The following FUT8 variants were observed in gnomAD, a reference collection of about 807,000 sequenced individuals.
FUT8 encodes the protein fucosyltransferase 8.
Under a neutral mutation model 71.3 loss-of-function variants are expected in FUT8, and 29 were observed. That is an observed-to-expected ratio of 0.41 (90% CI 0.30 to 0.55). The LOEUF (loss-of-function observed/expected upper bound fraction) is 0.55, where lower values mean the gene tolerates loss of function less well. FUT8 is among the 20% of genes least tolerant of loss of function. FUT8 has a pLI of 0.34. For synonymous variants in FUT8, 254 were observed against 239.3 expected (o/e 1.06, Z -0.57); for missense variants, 544 against 702.1 (o/e 0.77, Z 2.55).
At chr14:65,457,285 T>A (rs940070934) in intron 2 of FUT8, among the ~76,000 whole-genome samples, 2 of 152,224 alleles carry the variant, frequency 1.3e-5, no homozygotes, top group East Asian at 1.9e-4. Flanking sequence ...ATTTCTTTTT[T>A]AAAATGTTAT....
chr14:65,573,990 T>C (rs999798532), intron 3 of FUT8, among the ~76,000 whole-genome samples: 2 of 152,146 alleles, frequency 1.3e-5, no homozygotes, highest in African/African-American at 4.8e-5. Context: ...TGTCTCTGCT[T>C]TGGGGTCCCT....
intron 2 of FUT8, among the ~76,000 whole-genome samples, chr14:65,494,894 C>G (rs996441291): frequency 1.3e-5 from 2 of 152,002 alleles, no homozygotes; most frequent in Non-Finnish European, 2.9e-5. Context: ...TAGGTTTCTG[C>G]TGATTGAGGC....
the FUT8 span, among the ~76,000 whole-genome samples, chr14:65,390,893 A>AT: frequency 4.6e-5 from 7 of 151,826 alleles, no homozygotes; most frequent in African/African-American, 1.7e-4. Flanking sequence ...CACCTGGCTA[A>AT]TTTTTTGTAT....
intron 6 of FUT8, among the ~76,000 whole-genome samples, chr14:65,648,937 T>G (rs556791698): frequency 6.6e-6 from 1 of 152,184 alleles, no homozygotes; most frequent in South Asian, 2.1e-4. Flanking sequence ...ACCATACAGA[T>G]TTCAATTTGG....
chr14:65,470,443 T>C (rs1186682466), intron 2 of FUT8, among the ~76,000 whole-genome samples: 6 of 152,168 alleles, frequency 3.9e-5, no homozygotes, highest in Non-Finnish European at 8.8e-5. Flanking sequence ...TGCCTGCTCC[T>C]GGCTCCCACT....
intron 7 of FUT8, among the ~76,000 whole-genome samples, chr14:65,711,684 A>T (rs558821095): frequency 3.9e-5 from 6 of 152,298 alleles, no homozygotes; most frequent in Admixed American, 1.3e-4. Flanking sequence ...TTCTTGTCTG[A>T]TAAAGGTGCC....
chr14:65,436,125 C>T (rs1283057563), intron 1 of FUT8, among the ~76,000 whole-genome samples: 1 of 151,654 alleles, frequency 6.6e-6, no homozygotes, highest in Non-Finnish European at 1.5e-5. Context: ...GAGACAAGGT[C>T]TCACTGTGTT....
intron 2 of FUT8, among the ~76,000 whole-genome samples, chr14:65,554,640 G>A (rs572353531): frequency 1.3e-5 from 2 of 151,982 alleles, no homozygotes; most frequent in South Asian, 4.2e-4. Flanking sequence ...AGTTGGATTT[G>A]TTTTTTTGTT....
intron 7 of FUT8, among the ~76,000 whole-genome samples, chr14:65,721,359 T>A (rs947770538): frequency 2.0e-5 from 3 of 152,210 alleles, no homozygotes; most frequent in African/African-American, 4.8e-5. Context: ...GTCATGAAAG[T>A]AATGCAAGAG....
chr14:65,560,146 T>G (rs1885831154), intron 2 of FUT8, among the ~76,000 whole-genome samples: 1 of 152,154 alleles, frequency 6.6e-6, no homozygotes, highest in South Asian at 2.1e-4. Context: ...CCCTGTGCTC[T>G]GATTTTTGAA....
At chr14:65,684,111 TA>T (rs1212246053) in intron 7 of FUT8, among the ~76,000 whole-genome samples, 4 of 151,730 alleles carry the variant, frequency 2.6e-5, no homozygotes, top group Non-Finnish European at 4.4e-5. Flanking sequence ...GATTTTATAT[TA>T]AAAATATATA....
At chr14:65,596,047 CAGTAGAAATG>C (rs1271723744) in intron 3 of FUT8, among the ~76,000 whole-genome samples, 1 of 152,134 alleles carries the variant, frequency 6.6e-6, no homozygotes, top group East Asian at 1.9e-4. Context: ...TATCTAATAA[CAGTAGAAATG>C]AAGTTTGTAG....
Position 65,476,692 on chromosome 14 carries a change from G to A in FUT8, c.-228+20974G>A, listed in dbSNP as rs560108152. Among the ~76,000 whole-genome samples the A allele has an allele frequency of 1.4e-3, 195 of 138,620 alleles. 2 individuals carry two copies. The highest frequency in any genetic ancestry group is 4.8e-3 in the African/African-American group (178 of 36,846). The allele number at this position is 138,620 out of a possible 152,430, so 90.9% of individuals were successfully genotyped here. ...TTTTTGGCGACAGGGTTTTGCTGTA[G>A]GTCTCCCAGGCTGGAGTACAGTGGC... On this transcript the variant is annotated intron_variant, in intron 2 of 10. Transcript: ENST00000673929.
At chr14:65,372,429 C>A in the FUT8 span, among the ~76,000 whole-genome samples, 1 of 136,882 alleles carries the variant, frequency 7.3e-6, no homozygotes, top group Non-Finnish European at 1.6e-5. Context: ...TTTTTTTTTT[C>A]TTTTGGGACA....
chr14:65,482,959 A>G (rs1014209983), intron 2 of FUT8, among the ~76,000 whole-genome samples: 6 of 152,122 alleles, frequency 3.9e-5, no homozygotes, highest in African/African-American at 1.4e-4. Context: ...TGTAGGATGC[A>G]TGTTTTCACC....
chr14:65,589,387 C>T (rs933032703), intron 3 of FUT8, among the ~76,000 whole-genome samples: 1 of 151,444 alleles, frequency 6.6e-6, no homozygotes, highest in Admixed American at 6.6e-5. Flanking sequence ...ATGGCACTTC[C>T]CAGACCTTTG....
chr14:65,717,166 G>T (rs1185275328), intron 7 of FUT8, among the ~76,000 whole-genome samples: 2 of 88,050 alleles, frequency 2.3e-5, no homozygotes, highest in Non-Finnish European at 4.6e-5. Context: ...GGGCAGAGGC[G>T]CTTCTCACCT....
At chr14:65,481,888 G>A (rs1302098640) in intron 2 of FUT8, among the ~76,000 whole-genome samples, 1 of 152,116 alleles carries the variant, frequency 6.6e-6, no homozygotes, top group Non-Finnish European at 1.5e-5. Flanking sequence ...TATAAGATAC[G>A]TGCTTCGCAG....
Position 65,620,284 on chromosome 14 carries a change from A to G in FUT8, c.482+3911A>G, listed in dbSNP as rs74454725. 3.6e-3 allele frequency among the ~76,000 whole-genome samples: 544 copies of G among 152,318 alleles called. 2 individuals carry two copies. Among genetic ancestry groups the G allele is most frequent in the Non-Finnish European group, 6.0e-3 (406 of 68,026 alleles). On this transcript the variant is annotated intron_variant, in intron 5 of 10. Coordinates refer to ENST00000673929, the MANE Select transcript of FUT8 (RefSeq NM_001371533.1). ...TGTTGACTGAAACTATTGAAAAACA[A>G]TCTGTTAAAGTAGCAATCTCATCTC...
Sources: gnomAD v4.1 joint callset for allele counts (sites outside exome capture counted in the v4.1 genomes callset) on GRCh38, gnomAD v4.1.1 for gene constraint, MANE v1.5 for transcripts, NCBI Gene and HGNC (gene_info 2026-07-23, HGNC 2026-07-21) for gene names.